The following ZSCAN25 variants were observed in gnomAD, a reference collection of about 807,000 sequenced individuals.
The protein encoded by ZSCAN25 is zinc finger and SCAN domain-containing protein 25.
ZSCAN25 carries 27 observed loss-of-function variants against 38.7 expected under a neutral mutation model. The observed-to-expected ratio is 0.70, with a 90% confidence interval of 0.51 to 0.96. The LOEUF (loss-of-function observed/expected upper bound fraction) is 0.96. ZSCAN25 is among the 40% of genes least tolerant of loss of function. ZSCAN25 has a pLI of 0.00. For synonymous variants in ZSCAN25, 273 were observed against 277.7 expected (o/e 0.98, Z 0.17); for missense variants, 637 against 705.9 (o/e 0.90, Z 1.11).
chr7:99,621,376 C>G lies in ZSCAN25; in HGVS notation c.391C>G (p.Pro131Ala). Reference sequence around the variant, plus strand: ...CGGTGTTGGGAACTGTTCTTAGGTTCCATGCCACAGGCAGGGAGAGCAGGA... The same window carrying G: ...CGGTGTTGGGAACTGTTCTTAGGTTGCATGCCACAGGCAGGGAGAGCAGGA... ...TERALEAKAV[P>A]CHRQGEQEET... Residue 131 changes from proline (P) to alanine (A), a missense_variant, in exon 5 of 8, where the codon CCA becomes GCA. Coordinates refer to ENST00000394152, the MANE Select transcript of ZSCAN25 (RefSeq NM_145115.3). The G allele has an allele frequency of 1.4e-6, 2 of 1,408,924 alleles. No individual in the cohort carries two copies. The highest frequency in any genetic ancestry group is 3.5e-5 in the South Asian group (2 of 57,432). 87.3% of individuals were successfully genotyped at this position (1,408,924 alleles called of 1,614,324 possible).
the ZSCAN25 span, chr7:99,709,087 G>A: frequency 6.2e-7 from 1 of 1,613,890 alleles, no homozygotes; most frequent in South Asian, 1.1e-5. Flanking sequence ...TCATGATGAA[G>A]AACATAGCTT....
the ZSCAN25 span, among the ~76,000 whole-genome samples, chr7:99,708,186 G>C: frequency 6.6e-6 from 1 of 152,140 alleles, no homozygotes; most frequent in African/African-American, 2.4e-5. Flanking sequence ...GGAGCTTTCA[G>C]TCTTGTTGAG....
chr7:99,674,505 A>G, the ZSCAN25 span: 7 of 1,601,368 alleles, frequency 4.4e-6, no homozygotes, highest in African/African-American at 1.3e-5. Context: ...TAGCAGGTCT[A>G]TCCAATGGAG....
At chr7:99,681,953 A>C in the ZSCAN25 span, among the ~76,000 whole-genome samples, 1 of 152,030 alleles carries the variant, frequency 6.6e-6, no homozygotes, top group East Asian at 1.9e-4. Context: ...CTCAGATTTC[A>C]GTTTTGTTTT....
At chr7:99,712,919 A>T in the ZSCAN25 span, among the ~76,000 whole-genome samples, 5 of 152,214 alleles carry the variant, frequency 3.3e-5, no homozygotes, top group Non-Finnish European at 7.3e-5. Flanking sequence ...ACAGTCTCAG[A>T]GGTTTTCCAA....
At chr7:99,735,082 G>A in the ZSCAN25 span, 1 of 1,614,060 alleles carries the variant, frequency 6.2e-7, no homozygotes, top group Non-Finnish European at 8.5e-7. Context: ...CCAAGTTTGG[G>A]ATGAGATCCA....
the ZSCAN25 span, chr7:99,685,327 T>C: frequency 6.6e-7 from 1 of 1,513,000 alleles, no homozygotes; most frequent in Non-Finnish European, 9.1e-7. Context: ...TATTGCTGAC[T>C]ATGCACATAG....
chr7:99,718,959 A>G, the ZSCAN25 span, among the ~76,000 whole-genome samples: 1 of 152,216 alleles, frequency 6.6e-6, no homozygotes, highest in Non-Finnish European at 1.5e-5. Context: ...CATGCACAGG[A>G]TCTCTATGCT....
chr7:99,680,750 T>G, the ZSCAN25 span, among the ~76,000 whole-genome samples: 2 of 152,162 alleles, frequency 1.3e-5, no homozygotes. Context: ...ACTAATAAAG[T>G]TGGTCTTGTT....
At chr7:99,735,159 G>T in the ZSCAN25 span, 4 of 1,601,698 alleles carry the variant, frequency 2.5e-6, no homozygotes, top group South Asian at 3.3e-5. Context: ...CTGTTTGCTG[G>T]GCTGTGTGTG....
the ZSCAN25 span, among the ~76,000 whole-genome samples, chr7:99,681,039 G>T: frequency 3.3e-5 from 5 of 152,218 alleles, no homozygotes. Flanking sequence ...CCACAAGTAT[G>T]TGAGAACTTG....
the ZSCAN25 span, among the ~76,000 whole-genome samples, chr7:99,678,790 G>T: frequency 6.6e-6 from 1 of 152,186 alleles, no homozygotes; most frequent in East Asian, 1.9e-4. Flanking sequence ...TTAAAATGAG[G>T]TTTATAGTGT....
chr7:99,649,317 G>T, the ZSCAN25 span, among the ~76,000 whole-genome samples: 2 of 152,162 alleles, frequency 1.3e-5, no homozygotes, highest in African/African-American at 4.8e-5. Context: ...TGTACTTAAG[G>T]GGTAGAGTTG....
the ZSCAN25 span, among the ~76,000 whole-genome samples, chr7:99,703,209 C>A: frequency 6.6e-6 from 1 of 152,124 alleles, no homozygotes; most frequent in Non-Finnish European, 1.5e-5. Context: ...TTTGGAGGGT[C>A]TTTTTCAAAT....
At chr7:99,635,320 CAT>C (rs1808228901), downstream of ZSCAN25, among the ~76,000 whole-genome samples, 1 of 152,172 alleles carries the variant, frequency 6.6e-6, no homozygotes, top group Non-Finnish European at 1.5e-5. Context: ...TCATTCAAAA[CAT>C]ACTGCAGTTT....
chr7:99,652,635 C>T, the ZSCAN25 span: 1 of 1,614,070 alleles, frequency 6.2e-7, no homozygotes, highest in Non-Finnish European at 8.5e-7. Context: ...ACCATTGACC[C>T]TTTGGGAATG....
the ZSCAN25 span, among the ~76,000 whole-genome samples, chr7:99,684,182 T>G: frequency 6.6e-6 from 1 of 151,562 alleles, no homozygotes; most frequent in Non-Finnish European, 1.5e-5. Context: ...TTTTTTTTTT[T>G]TTTTTGAGAT....
the ZSCAN25 span, among the ~76,000 whole-genome samples, chr7:99,689,854 T>C: frequency 2.0e-5 from 3 of 152,290 alleles, no homozygotes; most frequent in African/African-American, 7.2e-5. Flanking sequence ...GAATCAATAT[T>C]GTGAAAATGG....
the ZSCAN25 span, chr7:99,674,640 A>T: frequency 1.1e-5 from 16 of 1,482,524 alleles, no homozygotes; most frequent in Non-Finnish European, 1.3e-5. Flanking sequence ...AATAAACCCT[A>T]CCTCTAATTG....
Sources: gnomAD v4.1 joint callset for allele counts (sites outside exome capture counted in the v4.1 genomes callset) on GRCh38, gnomAD v4.1.1 for gene constraint, MANE v1.5 for transcripts, NCBI Gene and HGNC (gene_info 2026-07-23, HGNC 2026-07-21) for gene names.